Variants in RMDN2 observed in about 807,000 individuals in gnomAD.
The protein encoded by RMDN2 is regulator of microtubule dynamics protein 2.
In RMDN2, 61 loss-of-function variants were observed where a neutral mutation model predicts 52.8. The ratio of observed to expected loss-of-function variants is 1.16; its 90% CI spans 0.94 to 1.43. The LOEUF (loss-of-function observed/expected upper bound fraction) is 1.43, where lower values mean the gene tolerates loss of function less well. Among genes scored for constraint, RMDN2 ranks in the 40% most tolerant of loss-of-function variants. The pLI, the probability that RMDN2 is intolerant of heterozygous loss-of-function variation, is 0.00. For missense variants in RMDN2, 592 were observed against 475.3 expected, an observed-to-expected ratio of 1.25 and a Z score of -2.28; for synonymous variants, 180 against 153.1, an observed-to-expected ratio of 1.18 and a Z score of -1.30.
At chr2:37,961,815 C>T (rs1435463700) in intron 2 of RMDN2, among the ~76,000 whole-genome samples, 1 of 152,170 alleles carries the variant, frequency 6.6e-6, no homozygotes, top group Non-Finnish European at 1.5e-5. Flanking sequence ...GGTTTTTCCT[C>T]ATCTTCGTAG....
chr2:37,986,168 A>T (rs1324089289), intron 5 of RMDN2, among the ~76,000 whole-genome samples: 1 of 152,196 alleles, frequency 6.6e-6, no homozygotes, highest in Non-Finnish European at 1.5e-5. Context: ...GTCATATTGA[A>T]TTTGGAAGGA....
chr2:37,972,949 A>G (rs566829521), intron 2 of RMDN2, among the ~76,000 whole-genome samples: 6 of 152,342 alleles, frequency 3.9e-5, no homozygotes, highest in African/African-American at 1.4e-4. Context: ...GGCATATGAA[A>G]GAAATTTAAG....
At chr2:37,948,820 TAAG>T (rs1177305646) in intron 2 of RMDN2, among the ~76,000 whole-genome samples, 6 of 152,270 alleles carry the variant, frequency 3.9e-5, no homozygotes, top group African/African-American at 1.4e-4. Flanking sequence ...TTTGCTTGAA[TAAG>T]GTCGGGGGAG....
At chr2:38,065,088 A>T (rs1386199818) in intron 10 of RMDN2, among the ~76,000 whole-genome samples, 1 of 152,206 alleles carries the variant, frequency 6.6e-6, no homozygotes, top group Admixed American at 6.5e-5. Context: ...GTTGGAAGTT[A>T]TCCAGGTATC....
chr2:37,944,207 G>GT (rs1218133843), intron 2 of RMDN2, among the ~76,000 whole-genome samples: 1 of 151,862 alleles, frequency 6.6e-6, no homozygotes, highest in Non-Finnish European at 1.5e-5. Flanking sequence ...GATGTATGTA[G>GT]TGTCTCATAA....
intron 8 of RMDN2, among the ~76,000 whole-genome samples, chr2:38,001,058 T>C (rs1310893250): frequency 6.6e-6 from 1 of 152,212 alleles, no homozygotes; most frequent in Non-Finnish European, 1.5e-5. Flanking sequence ...TTTGCAGTCA[T>C]ATGATCCCTG....
chr2:37,967,688 C>T (rs1343822791), intron 2 of RMDN2, among the ~76,000 whole-genome samples: 1 of 152,224 alleles, frequency 6.6e-6, no homozygotes, highest in Non-Finnish European at 1.5e-5. Context: ...GATACTCCTG[C>T]TCATTCCTCT....
At chr2:38,013,942 C>A (rs984097155) in intron 10 of RMDN2, among the ~76,000 whole-genome samples, 1 of 152,206 alleles carries the variant, frequency 6.6e-6, no homozygotes, top group Non-Finnish European at 1.5e-5. Context: ...CGTCGTGGCT[C>A]ACGCCTGTAA....
intron 10 of RMDN2, among the ~76,000 whole-genome samples, chr2:38,006,750 G>T (rs1270616103): frequency 1.3e-5 from 2 of 152,180 alleles, no homozygotes; most frequent in African/African-American, 4.8e-5. Flanking sequence ...TGTTGAATAG[G>T]AGTGGTGAGA....
chr2:38,008,211 G>A (rs529704027), intron 10 of RMDN2, among the ~76,000 whole-genome samples: 1 of 152,212 alleles, frequency 6.6e-6, no homozygotes, highest in Non-Finnish European at 1.5e-5. Context: ...TTCTGTAGAT[G>A]TCTGTTAGGT....
At chr2:38,043,365 C>G (rs1681081681) in intron 10 of RMDN2, among the ~76,000 whole-genome samples, 1 of 152,104 alleles carries the variant, frequency 6.6e-6, no homozygotes, top group Admixed American at 6.5e-5. Context: ...CATCCCTTTA[C>G]TTTTAATCTG....
chr2:38,037,222 A>C (rs1680645030), intron 10 of RMDN2, among the ~76,000 whole-genome samples: 1 of 152,220 alleles, frequency 6.6e-6, no homozygotes, highest in South Asian at 2.1e-4. Context: ...TGTAAGGAAG[A>C]TCAAATAAAT....
At chr2:38,012,376 A>G (rs559803146) in intron 10 of RMDN2, among the ~76,000 whole-genome samples, 55 of 152,346 alleles carry the variant, frequency 3.6e-4, no homozygotes, top group African/African-American at 1.2e-3. Flanking sequence ...TGTCTCATTC[A>G]TCACTGTACC....
chr2:37,928,851 T>G (rs1041739523), intron 1 of RMDN2: 2 of 152,476 alleles, frequency 1.3e-5, no homozygotes, highest in African/African-American at 4.8e-5. Flanking sequence ...ATTTTCGCAC[T>G]TAATAATGGC....
chr2:37,962,360 G>A (rs1372752564), intron 2 of RMDN2, among the ~76,000 whole-genome samples: 1 of 152,198 alleles, frequency 6.6e-6, no homozygotes. Context: ...CCTGACTGGT[G>A]CTGCTGCCTT....
intron 2 of RMDN2, among the ~76,000 whole-genome samples, chr2:37,973,547 G>A (rs1438738589): frequency 6.6e-6 from 1 of 152,116 alleles, no homozygotes; most frequent in African/African-American, 2.4e-5. Context: ...TATGTTAGAA[G>A]GTAATACATG....
At chr2:37,971,352 T>A (rs1236568857) in intron 2 of RMDN2, among the ~76,000 whole-genome samples, 2 of 152,152 alleles carry the variant, frequency 1.3e-5, no homozygotes, top group South Asian at 4.1e-4. Context: ...TCCGCTAAAC[T>A]GTCTTGGCAC....
At chr2:37,950,201 A>G (rs1158008492) in intron 2 of RMDN2, 1 of 345,578 alleles carries the variant, frequency 2.9e-6, no homozygotes, top group Non-Finnish European at 5.5e-6. Flanking sequence ...AGCTGGTGAG[A>G]GAGATGGTCC....
chr2:37,969,402 T>A (rs966350142), intron 2 of RMDN2, among the ~76,000 whole-genome samples: 1 of 151,772 alleles, frequency 6.6e-6, no homozygotes, highest in African/African-American at 2.4e-5. Context: ...TATTTTGTAA[T>A]TTTCCCCAGA....
Sources: gnomAD v4.1 joint callset for allele counts (sites outside exome capture counted in the v4.1 genomes callset) on GRCh38, gnomAD v4.1.1 for gene constraint, MANE v1.5 for transcripts, NCBI Gene and HGNC (gene_info 2026-07-23, HGNC 2026-07-21) for gene names.